SPIDR: variants seen among roughly 807,000 people sequenced by gnomAD.
The protein encoded by SPIDR is DNA repair-scaffolding protein.
In SPIDR, 93 loss-of-function variants were observed where a neutral mutation model predicts 104.6. The observed-to-expected ratio is 0.89, with a 90% CI of 0.75 to 1.06. The LOEUF (loss-of-function observed/expected upper bound fraction) is 1.06, where lower values mean the gene tolerates loss of function less well. Ranked by LOEUF, SPIDR falls within the 50% of genes least tolerant of loss-of-function variation. SPIDR has a pLI of 0.00. For missense variants in SPIDR, 1,154 were observed against 1,111.2 expected (o/e 1.04, Z -0.55); for synonymous variants, 431 against 416.9 (o/e 1.03, Z -0.41).
intron 8 of SPIDR, among the ~76,000 whole-genome samples, chr8:47,492,525 A>G (rs2078879248): frequency 6.6e-6 from 1 of 152,230 alleles, no homozygotes; most frequent in Non-Finnish European, 1.5e-5. Context: ...GCCTTGTCAT[A>G]GACTTCCTCC....
At chr8:47,266,320 A>G (rs1273062935) in intron 1 of SPIDR, among the ~76,000 whole-genome samples, 1 of 151,950 alleles carries the variant, frequency 6.6e-6, no homozygotes, top group Non-Finnish European at 1.5e-5. Flanking sequence ...TAGTAGAGAC[A>G]GGGTTTCACC....
chr8:47,579,174 T>A (rs1564385020), intron 8 of SPIDR, among the ~76,000 whole-genome samples: 2 of 152,190 alleles, frequency 1.3e-5, no homozygotes, highest in African/African-American at 2.4e-5. Context: ...CTATTGACAT[T>A]GCCTTGTCAG....
At chr8:47,646,320 T>C (rs2154449495) in intron 10 of SPIDR, among the ~76,000 whole-genome samples, 1 of 152,322 alleles carries the variant, frequency 6.6e-6, no homozygotes, top group East Asian at 1.9e-4. Flanking sequence ...GGAGAGTACA[T>C]TGTCACCACT....
intron 10 of SPIDR, among the ~76,000 whole-genome samples, chr8:47,672,931 A>G (rs1370002862): frequency 1.3e-5 from 2 of 152,234 alleles, no homozygotes; most frequent in Non-Finnish European, 2.9e-5. Context: ...TAAGGAGTCT[A>G]CAGTTCTTGA....
chr8:47,461,499 A>T (rs1020959647), intron 8 of SPIDR, among the ~76,000 whole-genome samples: 1 of 152,188 alleles, frequency 6.6e-6, no homozygotes, highest in Admixed American at 6.5e-5. Context: ...TCTAGTAGAG[A>T]TGGGTTTTCA....
At chr8:47,571,081 ACT>A (rs1205688707) in intron 8 of SPIDR, among the ~76,000 whole-genome samples, 21 of 151,618 alleles carry the variant, frequency 1.4e-4, no homozygotes, top group Non-Finnish European at 2.6e-4. Flanking sequence ...ACGGAGCGAG[ACT>A]CTGTCTCAAA....
At chr8:47,397,902 C>A (rs1490336241) in intron 6 of SPIDR, among the ~76,000 whole-genome samples, 1 of 152,094 alleles carries the variant, frequency 6.6e-6, no homozygotes, top group African/African-American at 2.4e-5. Context: ...AGAGTTCGCA[C>A]CATGGCTACA....
intron 5 of SPIDR, among the ~76,000 whole-genome samples, chr8:47,347,363 C>G (rs1481668031): frequency 3.9e-5 from 6 of 152,160 alleles, no homozygotes; most frequent in Admixed American, 3.3e-4. Flanking sequence ...TGCTTTACTT[C>G]CGACTATGTG....
intron 10 of SPIDR, among the ~76,000 whole-genome samples, chr8:47,651,969 A>G (rs2071724271): frequency 6.6e-6 from 1 of 152,118 alleles, no homozygotes; most frequent in Non-Finnish European, 1.5e-5. Flanking sequence ...AGAGTGGGAG[A>G]GGGTGAAGAA....
chr8:47,637,690 AT>A (rs2068170367), intron 10 of SPIDR, among the ~76,000 whole-genome samples: 1 of 152,248 alleles, frequency 6.6e-6, no homozygotes, highest in African/African-American at 2.4e-5. Flanking sequence ...AGTTTTCATC[AT>A]GTCGTATCCA....
intron 16 of SPIDR, 145 bp downstream of exon 16, chr8:47,713,786 G>A: frequency 8.8e-7 from 1 of 1,134,986 alleles, no homozygotes; most frequent in Non-Finnish European, 1.2e-6. Context: ...AGCAGAAATT[G>A]TTCTTGGTAT....
intron 5 of SPIDR, among the ~76,000 whole-genome samples, chr8:47,334,915 T>C (rs1216341990): frequency 1.3e-5 from 2 of 152,182 alleles, no homozygotes; most frequent in Non-Finnish European, 2.9e-5. Flanking sequence ...TTTCTTAGCT[T>C]TTAAAATGGT....
rs181676863 is a variant in SPIDR at position 47,711,415 on chromosome 8, G to C, written c.1978-1247G>C. ...GCTGAAATGCAGTGGCTCTTCACAGGCATGATCTTGGTGCACCACAGCCTC... is the reference window on the plus strand; with the variant it reads ...GCTGAAATGCAGTGGCTCTTCACAGCCATGATCTTGGTGCACCACAGCCTC... On this transcript the variant is annotated intron_variant, in intron 14 of 19. Coordinates refer to ENST00000297423, the MANE Select transcript of SPIDR (RefSeq NM_001080394.4). Among the ~76,000 whole-genome samples the C allele has an allele frequency of 1.3e-3, 201 of 152,134 alleles. 1 individual carries two copies. The highest frequency in any genetic ancestry group is 4.7e-3 in the African/African-American group (196 of 41,492).
chr8:47,328,418 T>A (rs953613147), intron 5 of SPIDR, among the ~76,000 whole-genome samples: 31 of 135,766 alleles, frequency 2.3e-4, no homozygotes, highest in African/African-American at 8.0e-4. Context: ...TGGCTAATTA[T>A]TTTTTTTTTT....
At position 47,460,103 on chromosome 8, in the gene SPIDR, A is replaced by G. The variant is rs115584430; in HGVS notation, c.1097+19561A>G. 2.3e-3 allele frequency among the ~76,000 whole-genome samples: 349 copies of G among 152,272 alleles called. 2 individuals are homozygous for G. Among genetic ancestry groups the G allele is most frequent in the African/African-American group, 8.2e-3 (341 of 41,572 alleles). ...TTCCATACACTGATGAATAGAATGTATATTCTGTGTTTGTTGGGTAGAATA... is the reference window on the plus strand; with the variant it reads ...TTCCATACACTGATGAATAGAATGTGTATTCTGTGTTTGTTGGGTAGAATA... On this transcript the variant is annotated intron_variant, in intron 8 of 19. Coordinates refer to ENST00000297423, the MANE Select transcript of SPIDR (RefSeq NM_001080394.4).
chr8:47,292,486 A>G (rs1268507802), intron 4 of SPIDR, among the ~76,000 whole-genome samples: 4 of 152,322 alleles, frequency 2.6e-5, no homozygotes, highest in Admixed American at 2.6e-4. Context: ...AAAAATGGGT[A>G]AATAGTATGG....
At chr8:47,426,179 G>A (rs377497754) in intron 7 of SPIDR, among the ~76,000 whole-genome samples, 10 of 152,200 alleles carry the variant, frequency 6.6e-5, no homozygotes, top group Middle Eastern at 3.4e-3. Flanking sequence ...ACTTAAACCC[G>A]GGAGGCGGAG....
Position 47,505,632 on chromosome 8 carries a change from C to T in SPIDR, c.1097+65090C>T, listed in dbSNP as rs565360024. ...GCTTCGGCTCATGCTCGGTCCGCTG[C>T]GCCCACTTTCCGATACTCCCCAGTG... On this transcript the variant is annotated intron_variant, in intron 8 of 19. Coordinates refer to ENST00000297423, the MANE Select transcript of SPIDR (RefSeq NM_001080394.4). 6.6e-5 allele frequency among the ~76,000 whole-genome samples: 10 copies of T among 152,312 alleles called. 1 individual carries two copies. The highest frequency in any genetic ancestry group is 8.8e-5 in the Non-Finnish European group (6 of 68,042).
At chr8:47,677,674 G>A (rs1412496099) in intron 11 of SPIDR, among the ~76,000 whole-genome samples, 1 of 152,174 alleles carries the variant, frequency 6.6e-6, no homozygotes, top group Non-Finnish European at 1.5e-5. Flanking sequence ...ACCTTGAATT[G>A]TGTCCCTTTC....
Sources: allele counts gnomAD v4.1 joint callset (sites outside exome capture counted in the v4.1 genomes callset), GRCh38; gene constraint gnomAD v4.1.1; transcripts MANE v1.5; gene names NCBI Gene and HGNC (gene_info 2026-07-23, HGNC 2026-07-21).